The following AMZ2 variants were observed in gnomAD, a reference collection of about 807,000 sequenced individuals.
AMZ2 encodes archaelysin family metallopeptidase 2.
Under a neutral mutation model 36.7 loss-of-function variants are expected in AMZ2, and 26 were observed. That is an observed-to-expected ratio of 0.71 (90% CI 0.52 to 0.98). The LOEUF is 0.98. AMZ2 is among the 50% of genes least tolerant of loss of function. The pLI is 0.00. For missense variants in AMZ2, 394 were observed against 430.5 expected (o/e 0.92, Z 0.75); for synonymous variants, 144 against 149.1 (o/e 0.97, Z 0.25).
Position 68,209,007 on chromosome 17 carries a change from G to C in AMZ2, c.-67+2769G>C, listed in dbSNP as rs191566839. ...TTCATTCTTGAAGTTAGTGAGACCA[G>C]GAACCCACCAATGCTGGACACTAAC... On this transcript the variant is annotated intron_variant, in intron 1 of 7. Coordinates refer to the AMZ2 transcript ENST00000674770. 9.8e-5 allele frequency among the ~76,000 whole-genome samples: 15 copies of C among 152,302 alleles called. No homozygotes were observed. In the East Asian group the frequency reaches 2.7e-3, roughly 27 times the overall value.
rs1202943976 is a variant in AMZ2, at chr17:68,235,372, G to GTTCTTATTGTTCATACCCCTGGATAAA, written c.-66-13267_-66-13241dup. 9.5e-4 allele frequency among the ~76,000 whole-genome samples: 145 copies of GTTCTTATTGTTCATACCCCTGGATAAA among 152,322 alleles called. No individual in the cohort carries two copies. The highest frequency in any genetic ancestry group is 2.1e-3 in the Admixed American group (32 of 15,296). ...CTCTCATTAAGCCTGTGGGCCAGAG[G>GTTCTTATTGTTCATACCCCTGGATAAA]TTCTTATTGTTCATACCCCTGGATA... On this transcript the variant is annotated intron_variant, in intron 1 of 7. Transcript: ENST00000674770. This position sits in a 1 kb window ranked among gnomAD's most constrained non-coding sequence, Gnocchi z 4.2.
upstream of AMZ2, among the ~76,000 whole-genome samples, chr17:68,245,273 A>G (rs1351022867): frequency 2.6e-5 from 4 of 151,086 alleles, no homozygotes; most frequent in Non-Finnish European, 4.4e-5. Context: ...ACAGGGTCTC[A>G]CTCTGTTGCC....
chr17:68,209,622 A>ATATATATATATATATATATATG (rs2072967321), intron 1 of AMZ2, among the ~76,000 whole-genome samples: 2 of 83,130 alleles, frequency 2.4e-5, no homozygotes, highest in East Asian at 3.8e-4. Context: ...ATATATATAT[A>ATATATATATATATATATATATG]TATATATATA....
chr17:68,254,429 G>GTATTTTAT lies in AMZ2; in HGVS notation c.615_616insTTTATTAT (p.Gly206PhefsTer16). On this transcript the variant is annotated frameshift_variant, in exon 5 of 7. Coordinates refer to ENST00000359904, the MANE Select transcript of AMZ2 (RefSeq NM_016627.5). LOFTEE classifies it high-confidence loss of function. ...GTGTGGGGATATTCAGCTTTGCCAG[G>GTATTTTAT]TATGGCAGTGATTTTTATAGCATGC... 6.2e-7 allele frequency: 1 copy of GTATTTTAT among 1,612,988 alleles called. No individual in the cohort carries two copies. The highest frequency in any genetic ancestry group is 8.5e-7 in the Non-Finnish European group (1 of 1,179,934).
upstream of AMZ2, chr17:68,247,764 G>A: frequency 2.0e-6 from 2 of 985,556 alleles, no homozygotes; most frequent in East Asian, 1.1e-4. Flanking sequence ...CGCATCTGTG[G>A]CTCTCGAGAA....
At chr17:68,242,475 G>A (rs527290971) in intron 1 of AMZ2, among the ~76,000 whole-genome samples, 44 of 151,954 alleles carry the variant, frequency 2.9e-4, no homozygotes, top group Non-Finnish European at 6.0e-4. Context: ...GCAGTGGCGC[G>A]ATCTCGGCTC....
intron 1 of AMZ2, among the ~76,000 whole-genome samples, chr17:68,238,586 TACAC>T (rs10528850): frequency 2.3e-4 from 34 of 150,888 alleles, no homozygotes; most frequent in Non-Finnish European, 4.4e-4. Context: ...CACACATATG[TACAC>T]ACACACACAC....
chr17:68,228,807 C>A (rs1383830221), intron 1 of AMZ2, among the ~76,000 whole-genome samples: 2 of 152,260 alleles, frequency 1.3e-5, no homozygotes, highest in Admixed American at 1.3e-4. Flanking sequence ...TCCACCTGCT[C>A]CTCCTGCCTG....
intron 4 of AMZ2, among the ~76,000 whole-genome samples, 167 bp from the exon 5 acceptor site, chr17:68,254,237 G>A (rs1368365079): frequency 3.3e-5 from 5 of 152,158 alleles, no homozygotes; most frequent in African/African-American, 1.2e-4. Context: ...GGAAATCTGG[G>A]GCAAAAGTCT....
At chr17:68,243,767 C>T (rs1294565940), upstream of AMZ2, among the ~76,000 whole-genome samples, 1 of 152,070 alleles carries the variant, frequency 6.6e-6, no homozygotes. Flanking sequence ...TTTTAGTAAC[C>T]ATGTTAATAT....
chr17:68,221,917 A>T (rs1338499291), intron 1 of AMZ2, among the ~76,000 whole-genome samples: 1 of 152,148 alleles, frequency 6.6e-6, no homozygotes, highest in Non-Finnish European at 1.5e-5. Flanking sequence ...AAGAAGCAGA[A>T]TGACACGACC....
upstream of AMZ2, chr17:68,248,009 A>C: frequency 1.0e-6 from 1 of 986,040 alleles, no homozygotes; most frequent in Non-Finnish European, 1.2e-6. Flanking sequence ...CGCGTGGCGT[A>C]AGGGGCGTGG....
intron 1 of AMZ2, among the ~76,000 whole-genome samples, chr17:68,230,031 T>C (rs1333395886): frequency 6.6e-6 from 1 of 152,182 alleles, no homozygotes; most frequent in Non-Finnish European, 1.5e-5. Flanking sequence ...CTTTGCAGTC[T>C]TCAAAGCCCA....
chr17:68,250,720 T>A (rs563962128), intron 2 of AMZ2, 74 bp from the exon 3 acceptor site: 1 of 1,380,390 alleles, frequency 7.2e-7, no homozygotes, highest in African/African-American at 1.5e-5. Context: ...AATTTGAATC[T>A]TCTTACTCAT....
At chr17:68,226,081 G>A (rs578170163) in intron 1 of AMZ2, among the ~76,000 whole-genome samples, 144 of 152,078 alleles carry the variant, frequency 9.5e-4, no homozygotes, top group Non-Finnish European at 1.9e-3. Context: ...GAGCCCTGCC[G>A]GACCCGTAAG....
intron 1 of AMZ2, among the ~76,000 whole-genome samples, chr17:68,237,666 C>T (rs1328070398): frequency 6.6e-6 from 1 of 152,134 alleles, no homozygotes; most frequent in Non-Finnish European, 1.5e-5. Flanking sequence ...CTGGCACCTG[C>T]ATTTAGCACA....
intron 6 of AMZ2, among the ~76,000 whole-genome samples, chr17:68,256,491 TATA>T (rs1336595763): frequency 6.6e-6 from 1 of 152,236 alleles, no homozygotes; most frequent in Non-Finnish European, 1.5e-5. Flanking sequence ...GTCAAAGTAA[TATA>T]ATGCCTTGTG....
intron 5 of AMZ2, 113 bp downstream of exon 5, chr17:68,254,680 A>G (rs1211337189): frequency 1.4e-5 from 14 of 1,032,330 alleles, no homozygotes; most frequent in Non-Finnish European, 4.2e-6. Context: ...TATCATTTGT[A>G]TAATTTTGGT....
At chr17:68,246,208 A>T (rs1299413407), upstream of AMZ2, among the ~76,000 whole-genome samples, 1 of 150,374 alleles carries the variant, frequency 6.7e-6, no homozygotes, top group Non-Finnish European at 1.5e-5. Context: ...AAAAAAAAAA[A>T]AAAAAAAAAA....
Sources: gnomAD v4.1 joint callset for allele counts (sites outside exome capture counted in the v4.1 genomes callset) on GRCh38, gnomAD v4.1.1 for gene constraint, Gnocchi (gnomAD v3.1) non-coding constraint, MANE v1.5 for transcripts, NCBI Gene and HGNC (gene_info 2026-07-23, HGNC 2026-07-21) for gene names.